ULK4: variants seen among roughly 807,000 people sequenced by gnomAD.
ULK4 encodes the protein unc-51 like kinase 4, also known as inactive serine/threonine-protein kinase ULK4.
ULK4 carries 133 observed loss-of-function variants against 160.6 expected under a neutral mutation model. The ratio of observed to expected loss-of-function variants is 0.83; its 90% confidence interval spans 0.72 to 0.96. ULK4 has a LOEUF of 0.96. Among genes scored for constraint, ULK4 ranks in the 40% least tolerant of loss-of-function variants. ULK4 has a pLI of 0.00. For missense variants in ULK4, 1,580 were observed against 1,499.5 expected (o/e 1.05, Z -0.89); for synonymous variants, 534 against 539.8 (o/e 0.99, Z 0.15).
chr3:41,678,568 G>A (rs2035813844), intron 29 of ULK4, among the ~76,000 whole-genome samples: 1 of 152,170 alleles, frequency 6.6e-6, no homozygotes, highest in Non-Finnish European at 1.5e-5. Context: ...CAGAAATCAA[G>A]CCCCTAAATC....
chr3:41,880,728 A>C (rs1246685905), intron 17 of ULK4, among the ~76,000 whole-genome samples: 4 of 152,190 alleles, frequency 2.6e-5, no homozygotes, highest in African/African-American at 9.7e-5. Context: ...GTTCAAGACC[A>C]GCCTGACCAA....
At chr3:41,372,300 C>T (rs571005594) in intron 35 of ULK4, among the ~76,000 whole-genome samples, 1 of 152,206 alleles carries the variant, frequency 6.6e-6, no homozygotes, top group African/African-American at 2.4e-5. Context: ...GAGAACACCA[C>T]AAAGATACTC....
At chr3:41,340,445 T>C (rs922944936) in intron 35 of ULK4, among the ~76,000 whole-genome samples, 1 of 152,182 alleles carries the variant, frequency 6.6e-6, no homozygotes, top group East Asian at 1.9e-4. Flanking sequence ...TGGGTGGGGG[T>C]CATTTCTCCT....
At chr3:41,757,629 C>CAAAA (rs1197436719) in intron 21 of ULK4, among the ~76,000 whole-genome samples, 3 of 63,638 alleles carry the variant, frequency 4.7e-5, no homozygotes, top group Admixed American at 1.9e-4. Context: ...GAGACTCTCT[C>CAAAA]AAAAAAAAAA....
chr3:41,841,197 GCCGCCCCGCCTGGGAGGTGGGGAGCACCT>G (rs2041913859), intron 17 of ULK4, among the ~76,000 whole-genome samples: 31 of 148,644 alleles, frequency 2.1e-4, no homozygotes, highest in African/African-American at 4.7e-4. Flanking sequence ...CCTCTGCCCG[GCCGCCCCGCCTGGGAGGTGGGGAGCACCT>G]CTGCCCAGCC....
chr3:41,871,818 C>T (rs1175654658), intron 17 of ULK4, among the ~76,000 whole-genome samples: 2 of 152,034 alleles, frequency 1.3e-5, no homozygotes, highest in African/African-American at 4.8e-5. Flanking sequence ...TTGGTGGAGC[C>T]AATGTTTTTA....
intron 19 of ULK4, among the ~76,000 whole-genome samples, chr3:41,813,873 T>G (rs1165379028): frequency 1.3e-5 from 2 of 152,250 alleles, no homozygotes; most frequent in East Asian, 3.8e-4. Flanking sequence ...AATCTAATAC[T>G]TCAAAGATTC....
At chr3:41,773,345 C>T (rs1282530389) in intron 21 of ULK4, among the ~76,000 whole-genome samples, 1 of 152,188 alleles carries the variant, frequency 6.6e-6, no homozygotes, top group African/African-American at 2.4e-5. Context: ...CCAAAATATC[C>T]TTAAGCTGAT....
At chr3:41,349,337 T>A (rs1399606579) in intron 35 of ULK4, among the ~76,000 whole-genome samples, 2 of 152,160 alleles carry the variant, frequency 1.3e-5, no homozygotes, top group African/African-American at 4.8e-5. Flanking sequence ...ATTTCCTGAA[T>A]AACATATGAT....
chr3:41,893,539 A>G (rs1237823914), intron 16 of ULK4, among the ~76,000 whole-genome samples: 1 of 152,152 alleles, frequency 6.6e-6, no homozygotes, highest in African/African-American at 2.4e-5. Flanking sequence ...CCTTCTATCC[A>G]TCTGTTCTAA....
rs1273750337 is a variant in ULK4, at chr3:41,557,589, G to A, written c.3226+8436C>T. On this transcript the variant is annotated intron_variant, in intron 32 of 36. Transcript: ENST00000301831. ...GAGACCACCCTGGTTAACATAGCAA[G>A]ACCCTGTCTCCACCAAAAAAAAAAA... is the stretch of plus-strand genomic sequence containing the variant. Among the ~76,000 whole-genome samples the A allele has an allele frequency of 1.3e-4, 19 of 142,076 alleles. 1 individual carries two copies. In the Admixed American group the frequency reaches 1.4e-3, roughly 11 times the overall value. 93.2% of individuals were successfully genotyped at this position (142,076 alleles called of 152,430 possible).
intron 35 of ULK4, among the ~76,000 whole-genome samples, chr3:41,273,949 T>C (rs1335664947): frequency 6.6e-6 from 1 of 152,182 alleles, no homozygotes; most frequent in Non-Finnish European, 1.5e-5. Flanking sequence ...AGCCAGGCCA[T>C]GCCCTTGAAC....
intron 32 of ULK4, among the ~76,000 whole-genome samples, chr3:41,519,707 A>G (rs879836955): frequency 1.3e-5 from 2 of 152,212 alleles, no homozygotes; most frequent in Admixed American, 6.5e-5. Context: ...TTCATTTTGC[A>G]TTGGTAAAAT....
intron 34 of ULK4, among the ~76,000 whole-genome samples, chr3:41,406,055 A>T (rs115203355): frequency 1.1e-3 from 170 of 152,284 alleles, no homozygotes; most frequent in African/African-American, 4.0e-3. Flanking sequence ...ACCTATGTCC[A>T]GAGGGGTGTT....
intron 19 of ULK4, among the ~76,000 whole-genome samples, chr3:41,816,724 A>T (rs1033121819): frequency 9.2e-5 from 14 of 152,150 alleles, no homozygotes; most frequent in African/African-American, 2.7e-4. Flanking sequence ...AGGCAGGAGG[A>T]TCACTTGATC....
At chr3:41,478,855 T>C (rs1412513789) in intron 32 of ULK4, among the ~76,000 whole-genome samples, 1 of 152,256 alleles carries the variant, frequency 6.6e-6, no homozygotes, top group Non-Finnish European at 1.5e-5. Context: ...CAATGTTACT[T>C]ATGACTAATT....
intron 17 of ULK4, among the ~76,000 whole-genome samples, chr3:41,870,545 G>A (rs2125692526): frequency 6.6e-6 from 1 of 152,278 alleles, no homozygotes; most frequent in Non-Finnish European, 1.5e-5. Context: ...TAAACTCACA[G>A]GGAATAGAAA....
chr3:41,549,922 C>A (rs930244874), intron 32 of ULK4, among the ~76,000 whole-genome samples: 2 of 151,778 alleles, frequency 1.3e-5, no homozygotes, highest in Non-Finnish European at 2.9e-5. Context: ...AAGAAAACAA[C>A]AACAAAAACC....
intron 32 of ULK4, among the ~76,000 whole-genome samples, chr3:41,479,988 G>C (rs982830830): frequency 6.6e-6 from 1 of 151,978 alleles, no homozygotes; most frequent in African/African-American, 2.4e-5. Flanking sequence ...CAGGCGGATC[G>C]AGAGGTCAGG....
Sources: gnomAD v4.1 joint callset for allele counts (sites outside exome capture counted in the v4.1 genomes callset) on GRCh38, gnomAD v4.1.1 for gene constraint, MANE v1.5 for transcripts, NCBI Gene and HGNC (gene_info 2026-07-23, HGNC 2026-07-21) for gene names.